NTPCR: variants seen among roughly 807,000 people sequenced by gnomAD.
NTPCR encodes the protein nucleoside-triphosphatase, cancer-related, also known as cancer-related nucleoside-triphosphatase.
A neutral mutation model predicts 19.5 loss-of-function variants in NTPCR; 15 were observed. The observed-to-expected ratio is 0.77, with a 90% CI of 0.51 to 1.18. NTPCR has a LOEUF of 1.18. Among genes scored for constraint, NTPCR ranks in the 50% most tolerant of loss-of-function variants. The pLI, the probability that NTPCR is intolerant of heterozygous loss-of-function variation, is 0.00. For missense variants in NTPCR, 206 were observed against 240.4 expected (o/e 0.86, Z 0.95); for synonymous variants, 90 against 95.8 (o/e 0.94, Z 0.36).
At chr1:232,978,063 T>C in intron 4 of NTPCR, 100 bp from the exon 5 acceptor site, 1 of 964,318 alleles carries the variant, frequency 1.0e-6, no homozygotes, top group Non-Finnish European at 1.6e-6. Context: ...TACCTCACCC[T>C]CTCCCAGCCT....
intron 1 of NTPCR, among the ~76,000 whole-genome samples, chr1:232,953,120 C>T (rs1255587825): frequency 6.6e-6 from 1 of 152,228 alleles, no homozygotes; most frequent in African/African-American, 2.4e-5. Context: ...CCCAGTGGAA[C>T]TTGCTTGACA....
intron 4 of NTPCR, among the ~76,000 whole-genome samples, chr1:232,971,488 G>A (rs148141592): frequency 1.3e-5 from 2 of 152,094 alleles, no homozygotes; most frequent in South Asian, 4.2e-4. Flanking sequence ...AGCCATTAGG[G>A]TTAGACCAGC....
rs982192535 is a variant in NTPCR, at chr1:232,950,946, G to A, written c.34+202G>A. 8 of 551,740 alleles carry A rather than the reference G, an allele frequency of 1.4e-5. No homozygotes were observed. In the African/African-American group the frequency reaches 1.6e-4, roughly 11 times the overall value. The allele number at this position is 551,740 out of a possible 1,614,324, so 34.2% of individuals were successfully genotyped here. ...GATTTAAAAGACACAGGGCCTAAAG[G>A]ATTAGAACACACTTGTGAGGGGGTC... is the stretch of plus-strand genomic sequence containing the variant. On this transcript the variant is annotated intron_variant, in intron 1 of 4. Transcript: ENST00000366628.
chr1:232,974,313 T>C (rs958436011), intron 4 of NTPCR, among the ~76,000 whole-genome samples: 4 of 152,176 alleles, frequency 2.6e-5, no homozygotes, highest in African/African-American at 9.7e-5. Flanking sequence ...CTAAGAGAAT[T>C]TGTCATAATA....
chr1:232,958,170 C>A (rs559712661), intron 3 of NTPCR, among the ~76,000 whole-genome samples: 1 of 152,270 alleles, frequency 6.6e-6, no homozygotes, highest in African/African-American at 2.4e-5. Flanking sequence ...ATGATACAGA[C>A]CTGTCTCAAA....
chr1:232,956,522 C>A, intron 3 of NTPCR, 79 bp downstream of exon 3: 2 of 996,188 alleles, frequency 2.0e-6, no homozygotes, highest in Non-Finnish European at 3.2e-6. Flanking sequence ...AAACAGAATG[C>A]CTTTTGCTCT....
chr1:232,972,392 G>C (rs1669009483), intron 4 of NTPCR, among the ~76,000 whole-genome samples: 1 of 152,120 alleles, frequency 6.6e-6, no homozygotes, highest in Admixed American at 6.5e-5. Context: ...GTGAGCCACT[G>C]TGCCTGGCCT....
rs781500898 is a variant in NTPCR, at chr1:232,979,226, A to G, written c.*995A>G. 1.3e-5 allele frequency: 2 copies of G among 152,182 alleles called. No homozygotes were observed. Among genetic ancestry groups the G allele is most frequent in the South Asian group, 2.1e-4 (1 of 4,826 alleles). 9.4% of individuals were successfully genotyped at this position (152,182 alleles called of 1,614,324 possible). A position where few individuals can be genotyped will look rare whatever the true frequency, so the allele number is the denominator to read the frequency against. ...AGTGGTAGATGGTACTGGAGTGATA[A>G]ACAGTTCAGTGTTTTTAGGTCATTT... On this transcript the variant is annotated 3_prime_UTR_variant, in exon 5 of 5. Coordinates refer to ENST00000366628, the MANE Select transcript of NTPCR (RefSeq NM_032324.3). The surrounding 1 kb of genome is among the most constrained non-coding windows in gnomAD (Gnocchi z 5.3).
intron 4 of NTPCR, chr1:232,976,671 G>A (rs957537504): frequency 1.7e-5 from 21 of 1,222,242 alleles, no homozygotes; most frequent in Non-Finnish European, 3.3e-6. Context: ...GATTGACGCA[G>A]CCAGGACCAG....
chr1:232,961,523 C>A (rs1668669057), intron 3 of NTPCR, among the ~76,000 whole-genome samples: 1 of 152,214 alleles, frequency 6.6e-6, no homozygotes, highest in African/African-American at 2.4e-5. Flanking sequence ...AGTTGTTCAT[C>A]CATTGCTCTT....
At chr1:232,958,374 AT>A (rs1236656782) in intron 3 of NTPCR, among the ~76,000 whole-genome samples, 1 of 151,960 alleles carries the variant, frequency 6.6e-6, no homozygotes, top group African/African-American at 2.4e-5. Context: ...GGCACTTGCC[AT>A]TTTTTTTGGT....
chr1:232,970,022 A>C lies in NTPCR; in HGVS notation c.408A>C (p.Pro136=). 6.2e-7 allele frequency: 1 copy of C among 1,614,206 alleles called. No homozygotes were observed. The highest frequency in any genetic ancestry group is 8.5e-7 in the Non-Finnish European group (1 of 1,180,008). Residue 136 remains proline, a synonymous_variant, in exon 4 of 5, where the codon CCA becomes CCC. Transcript: ENST00000366628. The stretch of plus-strand genomic sequence containing the variant: ...CTGTTCGTCAGACGCTGTCTACCCC[A>C]GGGACTATAATCCTTGGCACAATCC... ...IQAVRQTLST[P]GTIILGTIPV...
At chr1:232,950,911 C>A in intron 1 of NTPCR, 167 bp downstream of exon 1, 1 of 570,352 alleles carries the variant, frequency 1.8e-6, no homozygotes, top group Admixed American at 3.4e-5. Context: ...TACTCCTTCC[C>A]GGAAAACGTG....
At chr1:232,955,789 T>C in intron 2 of NTPCR, 70 bp downstream of exon 2, 1 of 1,469,500 alleles carries the variant, frequency 6.8e-7, no homozygotes, top group Non-Finnish European at 9.5e-7. Context: ...TGGGAGCTTT[T>C]CAACAAGAGC....
At chr1:232,974,493 T>C (rs1285541038) in intron 4 of NTPCR, among the ~76,000 whole-genome samples, 3 of 152,134 alleles carry the variant, frequency 2.0e-5, no homozygotes, top group Non-Finnish European at 4.4e-5. Context: ...TGTTTGACAG[T>C]TGAGGCAAAA....
At position 232,956,560 on chromosome 1, in the gene NTPCR, T is replaced by C. The variant is rs376715277; in HGVS notation, c.294+117T>C. ...AAGGCCCCAGTTTTGCATTTTACAA[T>C]TGAAAAGATTGAGTCTTAATAAGGA... On this transcript the variant is annotated intron_variant, in intron 3 of 4. Coordinates refer to ENST00000366628, the MANE Select transcript of NTPCR (RefSeq NM_032324.3). 2.7e-5 allele frequency: 18 copies of C among 678,096 alleles called. No individual in the cohort carries two copies. In the Middle Eastern group the frequency reaches 9.7e-4, roughly 37 times the overall value. The allele number at this position is 678,096 out of a possible 1,614,324, so 42.0% of individuals were successfully genotyped here. A position where few individuals can be genotyped will look rare whatever the true frequency, so the allele number is the denominator to read the frequency against.
In NTPCR at chr1:232,978,718, G is replaced by T. The variant is rs552037408; in HGVS notation, c.*487G>T. 1 of 152,622 alleles carries T rather than the reference G, an allele frequency of 6.6e-6. No homozygotes were observed. Among genetic ancestry groups the T allele is most frequent in the East Asian group, 1.9e-4 (1 of 5,182 alleles). The allele number at this position is 152,622 out of a possible 1,614,324, so 9.5% of individuals were successfully genotyped here. A position where few individuals can be genotyped will look rare whatever the true frequency, so the allele number is the denominator to read the frequency against. On this transcript the variant is annotated 3_prime_UTR_variant, in exon 5 of 5. Transcript: ENST00000366628. Reference sequence around the variant, plus strand: ...TTTTTTAAAAAATATTATTCCAAAAGAAAACCATTTTAGGTCATCTCCCCC... The same window carrying T: ...TTTTTTAAAAAATATTATTCCAAAATAAAACCATTTTAGGTCATCTCCCCC...
At chr1:232,966,240 A>C (rs1441240618) in intron 3 of NTPCR, 1 of 152,186 alleles carries the variant, frequency 6.6e-6, no homozygotes, top group Non-Finnish European at 1.5e-5. Context: ...GAAGGGCTGC[A>C]GTTTTGCTGC....
At chr1:232,960,711 G>A (rs1370061403) in intron 3 of NTPCR, among the ~76,000 whole-genome samples, 1 of 152,124 alleles carries the variant, frequency 6.6e-6, no homozygotes, top group Non-Finnish European at 1.5e-5. Context: ...AAGAAAAATA[G>A]AGTGTGTGTG....
Sources: allele counts gnomAD v4.1 joint callset (sites outside exome capture counted in the v4.1 genomes callset), GRCh38; gene constraint gnomAD v4.1.1; non-coding constraint Gnocchi (gnomAD v3.1); transcripts MANE v1.5; gene names NCBI Gene and HGNC (gene_info 2026-07-23, HGNC 2026-07-21).